The following SNUPN variants were observed in gnomAD, a reference collection of about 807,000 sequenced individuals.
SNUPN encodes snurportin 1, also known as snurportin-1.
SNUPN carries 31 observed loss-of-function variants against 39.2 expected under a neutral mutation model. The ratio of observed to expected loss-of-function variants is 0.79; its 90% CI spans 0.59 to 1.07. The LOEUF is 1.07. SNUPN is among the 50% of genes least tolerant of loss of function. The pLI is 0.00. For synonymous variants in SNUPN, 132 were observed against 159.0 expected, an observed-to-expected ratio of 0.83 and a Z score of 1.28; for missense variants, 382 against 434.2, an observed-to-expected ratio of 0.88 and a Z score of 1.07.
intron 3 of SNUPN, among the ~76,000 whole-genome samples, chr15:75,615,007 C>T (rs1479514278): frequency 6.6e-6 from 1 of 152,188 alleles, no homozygotes; most frequent in African/African-American, 2.4e-5. Flanking sequence ...ATCTGTGTGA[C>T]CTCAAAGCTT....
Position 75,616,778 on chromosome 15 carries a change from C to A in SNUPN, c.303+630G>T, listed in dbSNP as rs546579232. Among the ~76,000 whole-genome samples the A allele has an allele frequency of 9.2e-5, 14 of 152,330 alleles. No individual in the cohort carries two copies. The East Asian group carries it at 2.7e-3, about 29-fold the overall frequency. On this transcript the variant is annotated intron_variant, in intron 3 of 8. Transcript: ENST00000308588. ...CCATACCTCTTTCCCTATGGTACCA[C>A]AGCCATGTTGGTTTCCTCTCTGGAT...
intron 3 of SNUPN, among the ~76,000 whole-genome samples, chr15:75,613,598 G>A (rs533265568): frequency 2.1e-5 from 3 of 145,284 alleles, no homozygotes; most frequent in African/African-American, 7.6e-5. Flanking sequence ...AGCTAAGATC[G>A]TGCTATTGCA....
chr15:75,598,646 G>A lies in SNUPN; in HGVS notation c.795C>T (p.His265=), dbSNP rs1139903. ...CCAAGGGAGTGCTTCCGGGGCTGTA[G>A]TGGGTCTGTTTGTGGTAGAAGAGAA... ...DGLLFYHKQT[H]YSPGSTPLVG... The change falls in exon 9 of 9, where the codon CAC becomes CAT. Residue 265 remains histidine (H), a synonymous_variant. Coordinates refer to ENST00000308588, the MANE Select transcript of SNUPN (RefSeq NM_005701.4). The A allele has an allele frequency of 6.2e-7, 1 of 1,609,850 alleles. No individual in the cohort carries two copies. The highest frequency in any genetic ancestry group is 1.3e-5 in the African/African-American group (1 of 74,996).
chr15:75,599,084 G>A lies in SNUPN; in HGVS notation c.760-403C>T, dbSNP rs569224255. On this transcript the variant is annotated intron_variant, in intron 8 of 8. Transcript: ENST00000308588. ...CTCGGGTGTCTGAGACACGACAACC[G>A]CTTGAACCCAGTAGGCAGAGGATGC... 3.3e-5 allele frequency among the ~76,000 whole-genome samples: 5 copies of A among 151,690 alleles called. No individual in the cohort carries two copies. The East Asian group carries it at 7.8e-4, about 24-fold the overall frequency.
At chr15:75,624,989 T>G (rs1893182196) in intron 1 of SNUPN, 1 of 199,986 alleles carries the variant, frequency 5.0e-6, no homozygotes, top group Non-Finnish European at 1.1e-5. Flanking sequence ...TTGGTCAGGC[T>G]GGTCTCAAAC....
rs574288577 is a variant in SNUPN, at chr15:75,598,638, G to C, written c.803C>G (p.Pro268Arg). Residue 268 changes from proline (P) to arginine (R), a missense_variant, in exon 9 of 9, where the codon CCC (proline) becomes CGC (arginine). Coordinates refer to ENST00000308588, the MANE Select transcript of SNUPN (RefSeq NM_005701.4). ...CCAGCCCACCAAGGGAGTGCTTCCG[G>C]GGCTGTAGTGGGTCTGTTTGTGGTA... Reference protein sequence around the residue: ...LFYHKQTHYSPGSTPLVGWLR... With the variant: ...LFYHKQTHYSRGSTPLVGWLR... 1.2e-6 allele frequency: 2 copies of C among 1,610,788 alleles called. No individual in the cohort carries two copies. The highest frequency in any genetic ancestry group is 2.2e-5 in the South Asian group (2 of 91,062).
At chr15:75,606,338 G>A (rs138615335) in intron 6 of SNUPN, among the ~76,000 whole-genome samples, 61 of 152,202 alleles carry the variant, frequency 4.0e-4, no homozygotes, top group Middle Eastern at 3.4e-3. Context: ...GGCTTAGAAA[G>A]AAGCAGCCTA....
intron 8 of SNUPN, 124 bp from the exon 9 acceptor site, chr15:75,598,805 A>G (rs2075262918): frequency 4.5e-6 from 3 of 668,454 alleles, no homozygotes; most frequent in Non-Finnish European, 7.4e-6. Flanking sequence ...GACAGAGGAA[A>G]GAGTCCCAGC....
intron 3 of SNUPN, among the ~76,000 whole-genome samples, chr15:75,616,283 C>T (rs1221452487): frequency 6.6e-6 from 1 of 151,578 alleles, no homozygotes; most frequent in Admixed American, 6.6e-5. Flanking sequence ...ATGGTGAAAC[C>T]CTGTCTCTAC....
At chr15:75,602,937 A>T (rs1458192962) in intron 7 of SNUPN, among the ~76,000 whole-genome samples, 1 of 151,830 alleles carries the variant, frequency 6.6e-6, no homozygotes, top group Non-Finnish European at 1.5e-5. Flanking sequence ...TTTTGTAGAG[A>T]TGGGGTTTTG....
rs148827081 is a variant in SNUPN at position 75,620,925 on chromosome 15, G to A, written c.127C>T (p.Arg43Cys). 2,179 of 1,613,652 alleles carry A rather than the reference G, an allele frequency of 1.4e-3. 1 individual carries two copies. Among genetic ancestry groups the A allele is most frequent in the Non-Finnish European group, 1.8e-3 (2,070 of 1,179,860 alleles). The change falls in exon 2 of 9, where the codon CGC (arginine) becomes TGC (cysteine). Residue 43 changes from arginine to cysteine, a missense_variant. Transcript: ENST00000308588. The part of the protein sequence containing the change: ...SKYSSLEQSE[R>C]RRRLLELQKS... ...TGCAGTTCCAGTAACCTCCGGCGGC[G>A]CTCACTCTGCTCCAAGGAACTGTAC...
At chr15:75,616,493 G>A (rs140821082) in intron 3 of SNUPN, among the ~76,000 whole-genome samples, 2 of 152,062 alleles carry the variant, frequency 1.3e-5, no homozygotes, top group African/African-American at 4.8e-5. Context: ...GTCTCACTAT[G>A]TTAGCCAGGT....
rs919815412 is a variant in SNUPN at position 75,605,364 on chromosome 15, T to C, written c.601-137A>G. The C allele has an allele frequency of 9.9e-5, 53 of 533,982 alleles. 1 individual carries two copies. The highest frequency in any genetic ancestry group is 9.5e-4 in the South Asian group (45 of 47,132). 33.1% of individuals were successfully genotyped at this position (533,982 alleles called of 1,614,324 possible). A position where few individuals can be genotyped will look rare whatever the true frequency, so the allele number is the denominator to read the frequency against. ...CTCTGTCACCCAGGCTGGAGTGCAA[T>C]GGTACAGTCTCGGCTCACTGTAACC... On this transcript the variant is annotated intron_variant, in intron 6 of 8. Coordinates refer to ENST00000308588, the MANE Select transcript of SNUPN (RefSeq NM_005701.4).
At chr15:75,608,281 A>G (rs1227392443) in intron 5 of SNUPN, among the ~76,000 whole-genome samples, 2 of 152,158 alleles carry the variant, frequency 1.3e-5, no homozygotes, top group South Asian at 2.1e-4. Flanking sequence ...TACTCAGGAA[A>G]TTGAGGTGGG....
chr15:75,607,238 C>A lies in SNUPN; in HGVS notation c.578G>T (p.Gly193Val). The A allele has an allele frequency of 6.2e-7, 1 of 1,613,464 alleles. No homozygotes were observed. Among genetic ancestry groups the A allele is most frequent in the Non-Finnish European group, 8.5e-7 (1 of 1,179,432 alleles). The stretch of plus-strand genomic sequence containing the variant: ...TACCTGGCAATCATAAAAAGGGTGT[C>A]CCCGCCAGCACATCACATCCAGAAC... ...YYVLDVMCWR[G>V]HPFYDCQTDF... The change falls in exon 6 of 9, where the codon GGA becomes GTA. Residue 193 changes from glycine (G) to valine (V), a missense_variant. Coordinates refer to ENST00000308588, the MANE Select transcript of SNUPN (RefSeq NM_005701.4).
intron 8 of SNUPN, among the ~76,000 whole-genome samples, chr15:75,599,383 G>A (rs562511276): frequency 3.9e-5 from 6 of 152,142 alleles, no homozygotes; most frequent in Non-Finnish European, 5.9e-5. Flanking sequence ...CAGATTCCAC[G>A]GACTTTCCAC....
chr15:75,620,827 A>C, intron 2 of SNUPN, 67 bp downstream of exon 2: 5 of 1,407,192 alleles, frequency 3.6e-6, no homozygotes, highest in East Asian at 2.3e-5. Flanking sequence ...AGACAAGCCT[A>C]GAGCCTTCGG....
At chr15:75,609,174 CTTTT>C (rs1205961290) in intron 5 of SNUPN, among the ~76,000 whole-genome samples, 1 of 89,672 alleles carries the variant, frequency 1.1e-5, no homozygotes, top group Non-Finnish European at 2.4e-5. Flanking sequence ...CAAAGTGGGT[CTTTT>C]TTTTTTTTTT....
intron 7 of SNUPN, among the ~76,000 whole-genome samples, chr15:75,603,565 G>A (rs112184604): frequency 0.17 from 25,830 of 150,422 alleles, 2,970 homozygotes; most frequent in Non-Finnish European, 0.25. Context: ...GGAGGCTGAG[G>A]CAGGAGAATG....
Sources: allele counts gnomAD v4.1 joint callset (sites outside exome capture counted in the v4.1 genomes callset), GRCh38; gene constraint gnomAD v4.1.1; transcripts MANE v1.5; gene names NCBI Gene and HGNC (gene_info 2026-07-23, HGNC 2026-07-21).